ZNF331: variants seen among roughly 807,000 people sequenced by gnomAD.
ZNF331 encodes the protein C2H2-like zinc finger protein rearranged in thyroid adenomas.
In ZNF331, 2 loss-of-function variants were observed where a neutral mutation model predicts 7.0. The observed-to-expected ratio is 0.29, with a 90% CI of 0.12 to 0.90. The LOEUF (loss-of-function observed/expected upper bound fraction) is 0.90. Ranked by LOEUF, ZNF331 falls within the 40% of genes least tolerant of loss-of-function variation. The pLI, the probability that ZNF331 is intolerant of heterozygous loss-of-function variation, is 0.58. For missense variants in ZNF331, 432 were observed against 587.7 expected (o/e 0.74, Z 2.74); for synonymous variants, 196 against 205.4 (o/e 0.95, Z 0.39).
At position 53,539,464 on chromosome 19, in the gene ZNF331, C is replaced by T. The variant is rs1198311266; in HGVS notation, c.-138+182C>T. On this transcript the variant is annotated intron_variant, in intron 2 of 5. Coordinates refer to ENST00000449416, the MANE Select transcript of ZNF331 (RefSeq NM_001079906.2). The surrounding 1 kb of genome is among the most constrained non-coding windows in gnomAD (Gnocchi z 6.1). ...ACGCATAAAACCCATAGACGCGCAC[C>T]CCTGAGTGGGAGTGCACAGTGAGTG... The T allele has an allele frequency of 6.6e-6, 1 of 152,054 alleles. No homozygotes were observed. The highest frequency in any genetic ancestry group is 1.5e-5 in the Non-Finnish European group (1 of 68,028). 9.4% of individuals were successfully genotyped at this position (152,054 alleles called of 1,614,324 possible).
chr19:53,516,587 AG>A (rs1296332573), upstream of ZNF331, among the ~76,000 whole-genome samples: 1 of 152,196 alleles, frequency 6.6e-6, no homozygotes, highest in Admixed American at 6.5e-5. Flanking sequence ...GAAAAGATCC[AG>A]GATGCCTCAC....
rs557210172 is a variant in ZNF331 at position 53,543,661 on chromosome 19, A to G, written c.-138+4379A>G. ...ATTGGCCGACATGAGTTGGTCTTCAATAATAACAGGTAACTTCTATTACAC... is the reference window on the plus strand; with the variant it reads ...ATTGGCCGACATGAGTTGGTCTTCAGTAATAACAGGTAACTTCTATTACAC... On this transcript the variant is annotated intron_variant, in intron 2 of 5. Coordinates refer to ENST00000449416, the MANE Select transcript of ZNF331 (RefSeq NM_001079906.2). Among the ~76,000 whole-genome samples the G allele has an allele frequency of 9.8e-5, 15 of 152,370 alleles. No individual in the cohort carries two copies. The South Asian group carries it at 1.7e-3, about 17-fold the overall frequency.
Position 53,539,988 on chromosome 19 carries a change from G to C in ZNF331, c.-138+706G>C, listed in dbSNP as rs2088026300. 6.6e-6 allele frequency among the ~76,000 whole-genome samples: 1 copy of C among 152,328 alleles called. No homozygotes were observed. The highest frequency in any genetic ancestry group is 1.5e-5 in the Non-Finnish European group (1 of 68,014). On this transcript the variant is annotated intron_variant, in intron 2 of 5. Coordinates refer to ENST00000449416, the MANE Select transcript of ZNF331 (RefSeq NM_001079906.2). The surrounding 1 kb of genome is among the most constrained non-coding windows in gnomAD (Gnocchi z 6.1). ...ACACTACTAATAGTTATTAACAATA[G>C]TAAATGAAGGAAATGCTTCAGTTGC...
the ZNF331 span, among the ~76,000 whole-genome samples, chr19:53,508,014 G>A: frequency 1.3e-5 from 2 of 152,174 alleles, no homozygotes; most frequent in East Asian, 3.9e-4. Context: ...ACTAGAGACT[G>A]TCTGAGGAAG....
chr19:53,505,601 G>C, the ZNF331 span, among the ~76,000 whole-genome samples: 1 of 152,208 alleles, frequency 6.6e-6, no homozygotes, highest in Non-Finnish European at 1.5e-5. Context: ...AAGGTGCTAA[G>C]GATGGTGGGG....
intron 5 of ZNF331, 152 bp from the exon 6 acceptor site, chr19:53,576,545 A>C: frequency 1.6e-6 from 1 of 638,424 alleles, no homozygotes; most frequent in Non-Finnish European, 2.6e-6. Context: ...TTGTACCAGA[A>C]GTAGAATCTA....
chr19:53,555,086 T>G (rs1274314820), intron 2 of ZNF331, among the ~76,000 whole-genome samples: 2 of 152,000 alleles, frequency 1.3e-5, no homozygotes, highest in East Asian at 3.9e-4. Context: ...TGTGCTGGGA[T>G]GGTTGGTCGG....
rs190841964 is a variant in ZNF331 at position 53,542,560 on chromosome 19, A to T, written c.-138+3278A>T. ...CCTTATCCCGTGGAACACAAAATTC[A>T]GCCTCTTGCTAATGTTCTCAACTTG... On this transcript the variant is annotated intron_variant, in intron 2 of 5. Transcript: ENST00000449416. Among the ~76,000 whole-genome samples, 162 of 152,348 alleles carry T rather than the reference A, an allele frequency of 1.1e-3. 1 individual carries two copies. The highest frequency in any genetic ancestry group is 6.8e-3 in the Middle Eastern group (2 of 294).
Position 53,577,788 on chromosome 19 carries a change from C to T in ZNF331, c.1228C>T (p.Pro410Ser), listed in dbSNP as rs1333673534. 3 of 1,614,052 alleles carry T rather than the reference C, an allele frequency of 1.9e-6. No individual in the cohort carries two copies. The African/African-American group carries it at 4.0e-5, about 22-fold the overall frequency. Residue 410 changes from proline (P) to serine (S), a missense_variant, in exon 6 of 6, where the codon CCC becomes TCC. Transcript: ENST00000449416. ...TGAGAGAATTCATACCGGGGTGAAA[C>T]CCTATGGGTGTACAGAATGTGGGAA... is the stretch of plus-strand genomic sequence containing the variant. ...KHERIHTGVK[P>S]YGCTECGKSF...
intron 5 of ZNF331, among the ~76,000 whole-genome samples, chr19:53,572,474 C>T (rs7250544): frequency 0.35 from 52,561 of 150,490 alleles, 9,460 homozygotes; most frequent in South Asian, 0.56. Flanking sequence ...GGCTGGGTAA[C>T]AGATCAAGAC....
chr19:53,532,287 TG>T (rs772440844), intron 2 of ZNF331, among the ~76,000 whole-genome samples: 50 of 152,322 alleles, frequency 3.3e-4, no homozygotes, highest in Non-Finnish European at 7.1e-4. Flanking sequence ...TTCCACTCTT[TG>T]CTTCTATGAG....
upstream of ZNF331, among the ~76,000 whole-genome samples, chr19:53,518,265 T>C (rs955790147): frequency 2.0e-5 from 3 of 152,078 alleles, no homozygotes; most frequent in African/African-American, 7.2e-5. Flanking sequence ...TCTTTGGTCT[T>C]TGGACTCTTA....
chr19:53,576,748 A>G lies in ZNF331; in HGVS notation c.188A>G (p.His63Arg), dbSNP rs747239238. The G allele has an allele frequency of 2.5e-6, 4 of 1,612,408 alleles. No individual in the cohort carries two copies. The South Asian group carries it at 3.3e-5, about 13-fold the overall frequency. The stretch of plus-strand genomic sequence containing the variant: ...AGTTTACCTACAGAAAAAAACATTC[A>G]TGAAATAAGGGCTTCCAAAAGGAAT... ...NKSLPTEKNI[H>R]EIRASKRNSD... The change falls in exon 6 of 6, where the codon CAT becomes CGT. Residue 63 changes from histidine to arginine, a missense_variant. By Grantham distance (29) the His-to-Arg change is conservative. Transcript: ENST00000449416.
intron 3 of ZNF331, among the ~76,000 whole-genome samples, chr19:53,563,106 GAGA>G (rs550306331): frequency 0.014 from 345 of 24,584 alleles, no homozygotes; most frequent in Middle Eastern, 0.091. Context: ...CCCCGTCCCC[GAGA>G]AGGAGTCTTG....
In ZNF331 at chr19:53,580,201, T is replaced by C. The variant is rs1600535993; in HGVS notation, c.*2249T>C. 1 of 192,682 alleles carries C rather than the reference T, an allele frequency of 5.2e-6. No homozygotes were observed. The highest frequency in any genetic ancestry group is 6.1e-5 in the Admixed American group (1 of 16,322). 11.9% of individuals were successfully genotyped at this position (192,682 alleles called of 1,614,324 possible). ...TGTATACATGTATCAGAACATCACA[T>C]TGTACTCCATCAATATAATACAATT... On this transcript the variant is annotated 3_prime_UTR_variant, in exon 6 of 6. Transcript: ENST00000449416.
At chr19:53,530,993 A>T (rs2087516522) in intron 2 of ZNF331, among the ~76,000 whole-genome samples, 1 of 152,122 alleles carries the variant, frequency 6.6e-6, no homozygotes, top group Non-Finnish European at 1.5e-5. Flanking sequence ...AAACACTCTG[A>T]TCCCAGTGCC....
intron 2 of ZNF331, among the ~76,000 whole-genome samples, chr19:53,554,001 G>C (rs1253218999): frequency 6.6e-6 from 1 of 152,220 alleles, no homozygotes; most frequent in Non-Finnish European, 1.5e-5. Context: ...ACGTTTCCCA[G>C]AGGCCCCCCA....
Position 53,571,789 on chromosome 19 carries a change from G to T in ZNF331, c.136+59G>T. The T allele has an allele frequency of 6.5e-7, 1 of 1,533,176 alleles. No individual in the cohort carries two copies. Among genetic ancestry groups the T allele is most frequent in the South Asian group, 1.3e-5 (1 of 78,936 alleles). The allele number at this position is 1,533,176 out of a possible 1,614,324, so 95.0% of individuals were successfully genotyped here. On this transcript the variant is annotated intron_variant, in intron 5 of 5. Transcript: ENST00000449416. This position sits in a 1 kb window ranked among gnomAD's most constrained non-coding sequence, Gnocchi z 4.7. ...TCCTGGAATATCCGCTCTCCCCTGTGAATTTCAGGACCGCCTTTCAAGAAA... is the reference window on the plus strand; with the variant it reads ...TCCTGGAATATCCGCTCTCCCCTGTTAATTTCAGGACCGCCTTTCAAGAAA...
At chr19:53,544,283 T>C (rs12985220) in intron 2 of ZNF331, among the ~76,000 whole-genome samples, 23,105 of 148,932 alleles carry the variant, frequency 0.16, 1,986 homozygotes, top group East Asian at 0.23. Flanking sequence ...TGGTGGCTCA[T>C]GCCTGTAATC....
Sources: gnomAD v4.1 joint callset for allele counts (sites outside exome capture counted in the v4.1 genomes callset) on GRCh38, gnomAD v4.1.1 for gene constraint, Gnocchi (gnomAD v3.1) non-coding constraint, MANE v1.5 for transcripts, NCBI Gene and HGNC (gene_info 2026-07-23, HGNC 2026-07-21) for gene names.